EPHA5: variants seen among roughly 807,000 people sequenced by gnomAD.
EPHA5 encodes the protein EPH receptor A5.
Under a neutral mutation model 105.0 loss-of-function variants are expected in EPHA5, and 60 were observed. The ratio of observed to expected loss-of-function variants is 0.57; its 90% confidence interval spans 0.46 to 0.71. The LOEUF is 0.71. Among genes scored for constraint, EPHA5 ranks in the 30% least tolerant of loss-of-function variants. EPHA5 has a pLI of 0.00. For missense variants in EPHA5, 1,218 were observed against 1,274.7 expected, an observed-to-expected ratio of 0.96 and a Z score of 0.68; for synonymous variants, 513 against 449.1, an observed-to-expected ratio of 1.14 and a Z score of -1.80.
At chr4:65,594,209 A>G (rs1484559243) in intron 3 of EPHA5, among the ~76,000 whole-genome samples, 1 of 152,116 alleles carries the variant, frequency 6.6e-6, no homozygotes, top group Non-Finnish European at 1.5e-5. Context: ...TTCTCCTGAT[A>G]ATTATCATGT....
intron 3 of EPHA5, among the ~76,000 whole-genome samples, chr4:65,574,699 CATATATATACATATATATATACAT>C (rs1388773551): frequency 1.3e-5 from 1 of 77,916 alleles, no homozygotes; most frequent in African/African-American, 4.6e-5. Flanking sequence ...CATATATATA[CATATATATACATATATATATACAT>C]ATATATACAT....
Position 65,613,435 on chromosome 4 carries a change from A to G in EPHA5, c.247-11131T>C, listed in dbSNP as rs533167702. On this transcript the variant is annotated intron_variant, in intron 2 of 16. Coordinates refer to ENST00000613740, the MANE Select transcript of EPHA5 (RefSeq NM_001281766.3). Reference sequence around the variant, plus strand: ...AATAGTGTTGATATTTTTTATAGGAATTGCATTGAATCTGCAGATTGCTTT... The same window carrying G: ...AATAGTGTTGATATTTTTTATAGGAGTTGCATTGAATCTGCAGATTGCTTT... 3.9e-5 allele frequency among the ~76,000 whole-genome samples: 6 copies of G among 152,108 alleles called. No homozygotes were observed. The South Asian group carries it at 1.2e-3, about 32-fold the overall frequency.
chr4:65,401,583 G>A (rs1405259450), intron 8 of EPHA5, among the ~76,000 whole-genome samples: 2 of 152,086 alleles, frequency 1.3e-5, no homozygotes, highest in African/African-American at 2.4e-5. Context: ...CGTTTTTGGC[G>A]AAATGTGCTG....
intron 14 of EPHA5, among the ~76,000 whole-genome samples, chr4:65,339,307 T>A (rs1560426652): frequency 6.6e-6 from 1 of 151,816 alleles, no homozygotes; most frequent in Non-Finnish European, 1.5e-5. Context: ...GCAATAGGAG[T>A]TTTGAAAGGC....
intron 4 of EPHA5, among the ~76,000 whole-genome samples, chr4:65,494,387 C>T (rs190141038): frequency 6.6e-6 from 1 of 152,250 alleles, no homozygotes; most frequent in East Asian, 1.9e-4. Flanking sequence ...AAAGCAGCTA[C>T]AACTTTCTGG....
At chr4:65,601,584 A>C in intron 3 of EPHA5, 57 bp downstream of exon 3, 1 of 1,494,810 alleles carries the variant, frequency 6.7e-7, no homozygotes, top group Non-Finnish European at 9.2e-7. Flanking sequence ...GAGGAAATAC[A>C]TATACATGAT....
At chr4:65,430,040 A>T (rs1181035170) in intron 5 of EPHA5, among the ~76,000 whole-genome samples, 1 of 152,100 alleles carries the variant, frequency 6.6e-6, no homozygotes, top group Admixed American at 6.6e-5. Context: ...CCAAATCACA[A>T]CATTCTGTTC....
chr4:65,581,398 A>G (rs774072077), intron 3 of EPHA5, among the ~76,000 whole-genome samples: 7 of 151,656 alleles, frequency 4.6e-5, no homozygotes, highest in Non-Finnish European at 7.4e-5. Context: ...TAGAGGGTAA[A>G]TTATTTTTAC....
chr4:65,577,394 A>G (rs1050539587), intron 3 of EPHA5, among the ~76,000 whole-genome samples: 1 of 152,126 alleles, frequency 6.6e-6, no homozygotes, highest in African/African-American at 2.4e-5. Flanking sequence ...TTTAAAAATT[A>G]GTGACAATTG....
intron 8 of EPHA5, among the ~76,000 whole-genome samples, chr4:65,388,252 A>G (rs1244334712): frequency 2.0e-5 from 3 of 150,936 alleles, no homozygotes; most frequent in South Asian, 2.1e-4. Context: ...AGTCTTTGCT[A>G]TTGTGAATAG....
At chr4:65,490,062 A>C (rs1334767533) in intron 5 of EPHA5, among the ~76,000 whole-genome samples, 1 of 152,222 alleles carries the variant, frequency 6.6e-6, no homozygotes, top group Non-Finnish European at 1.5e-5. Context: ...GAGTTGTAAA[A>C]ATGAATGCTA....
rs1411450820 is a variant in EPHA5 at position 65,348,813 on chromosome 4, A to AT, written c.2446-611dup. Among the ~76,000 whole-genome samples the AT allele has an allele frequency of 2.1e-3, 87 of 41,332 alleles. 16 individuals are homozygous for AT. The highest frequency in any genetic ancestry group is 8.9e-3 in the South Asian group (10 of 1,126). 27.1% of individuals were successfully genotyped at this position (41,332 alleles called of 152,430 possible). On this transcript the variant is annotated intron_variant, in intron 13 of 16. Coordinates refer to ENST00000613740, the MANE Select transcript of EPHA5 (RefSeq NM_001281766.3). ...TGTGTGTATATATATATATATATAT[A>AT]TATTTTTTTTTTTTTTTTTTGAGAC...
intron 4 of EPHA5, 106 bp downstream of exon 4, chr4:65,495,282 T>C: frequency 8.4e-7 from 1 of 1,197,346 alleles, no homozygotes. Context: ...TTAAACATTA[T>C]GTCTGTTTTA....
intron 8 of EPHA5, among the ~76,000 whole-genome samples, chr4:65,384,605 C>T (rs1279510838): frequency 1.3e-5 from 2 of 151,880 alleles, no homozygotes; most frequent in African/African-American, 4.8e-5. Flanking sequence ...CCTATCCTGT[C>T]TGCCTTTGGG....
intron 3 of EPHA5, among the ~76,000 whole-genome samples, chr4:65,561,732 T>C (rs553842192): frequency 1.3e-5 from 2 of 152,148 alleles, no homozygotes; most frequent in Non-Finnish European, 2.9e-5. Flanking sequence ...CAAATACATA[T>C]ATTGATCTGT....
intron 8 of EPHA5, among the ~76,000 whole-genome samples, chr4:65,373,076 T>C (rs1718648255): frequency 6.6e-6 from 1 of 151,958 alleles, no homozygotes; most frequent in African/African-American, 2.4e-5. Flanking sequence ...AAAAGTTTTA[T>C]TCTAATGCTA....
intron 3 of EPHA5, among the ~76,000 whole-genome samples, chr4:65,511,506 CTT>C (rs1332949286): frequency 7.2e-5 from 11 of 152,026 alleles, no homozygotes; most frequent in Admixed American, 5.9e-4. Flanking sequence ...TAAACATTAA[CTT>C]AAGAAGATTT....
intron 8 of EPHA5, among the ~76,000 whole-genome samples, chr4:65,372,987 A>G (rs576202940): frequency 1.1e-3 from 173 of 152,030 alleles, no homozygotes; most frequent in Non-Finnish European, 2.1e-3. Context: ...TGTTGAATTC[A>G]ATTGTAATTG....
chr4:65,485,790 C>A (rs1242285308), intron 5 of EPHA5, among the ~76,000 whole-genome samples: 1 of 152,118 alleles, frequency 6.6e-6, no homozygotes, highest in Non-Finnish European at 1.5e-5. Context: ...GGTGCTTTGG[C>A]ATGATGAGCA....
Sources: allele counts gnomAD v4.1 joint callset (sites outside exome capture counted in the v4.1 genomes callset), GRCh38; gene constraint gnomAD v4.1.1; transcripts MANE v1.5; gene names NCBI Gene and HGNC (gene_info 2026-07-23, HGNC 2026-07-21).